Variants in PAX3 observed in about 807,000 individuals in gnomAD.
PAX3 encodes paired box protein Pax-3.
PAX3 carries 14 observed loss-of-function variants against 51.6 expected under a neutral mutation model. The observed-to-expected ratio is 0.27, with a 90% CI of 0.18 to 0.42. The LOEUF is 0.42. PAX3 is among the 10% of genes least tolerant of loss of function. The pLI is 1.00. For missense variants in PAX3, 540 were observed against 642.8 expected, an observed-to-expected ratio of 0.84 and a Z score of 1.73; for synonymous variants, 280 against 253.4, an observed-to-expected ratio of 1.11 and a Z score of -1.00.
At chr2:222,203,827 C>G (rs1477097766) in intron 7 of PAX3, among the ~76,000 whole-genome samples, 1 of 152,156 alleles carries the variant, frequency 6.6e-6, no homozygotes, top group Non-Finnish European at 1.5e-5. Flanking sequence ...AAAAAGAGAT[C>G]CACCTTCTGT....
chr2:222,228,203 A>G (rs1361876577), intron 5 of PAX3, among the ~76,000 whole-genome samples: 2 of 152,204 alleles, frequency 1.3e-5, no homozygotes, highest in African/African-American at 4.8e-5. Flanking sequence ...TTGTTAGGCT[A>G]TAGATCACAG....
intron 4 of PAX3, among the ~76,000 whole-genome samples, chr2:222,270,498 AAG>A (rs1251165736): frequency 6.6e-6 from 1 of 152,190 alleles, no homozygotes; most frequent in Non-Finnish European, 1.5e-5. Context: ...GAAAGAGAAA[AAG>A]AGAGAGGTTT....
chr2:222,268,196 T>C (rs905906573), intron 4 of PAX3, among the ~76,000 whole-genome samples: 1 of 152,218 alleles, frequency 6.6e-6, no homozygotes, highest in African/African-American at 2.4e-5. Flanking sequence ...AGGCTGGTCA[T>C]GTTTTGCAAT....
intron 4 of PAX3, among the ~76,000 whole-genome samples, chr2:222,234,453 A>C (rs1439313020): frequency 6.6e-6 from 1 of 152,236 alleles, no homozygotes; most frequent in East Asian, 1.9e-4. Context: ...AATGCAACTT[A>C]TATACATGTA....
rs750849292 is a variant in PAX3, at chr2:222,220,155, A to G, written c.1158T>C (p.Asn386=). The G allele has an allele frequency of 5.0e-6, 8 of 1,613,690 alleles. No individual in the cohort carries two copies. The highest frequency in any genetic ancestry group is 1.3e-5 in the African/African-American group (1 of 75,032). ...PSNPMNPTIG[N]GLSPQVMGLL... is the part of the protein sequence containing the mutation. ...CGGGACTGACCTGAGGTGAGAGGCC[A>G]TTGCCAATGGTGGGGTTCATGGGGT... The change falls in exon 7 of 9, where the codon AAT becomes AAC. Residue 386 remains asparagine, a synonymous_variant. Coordinates refer to ENST00000392070, the MANE Select transcript of PAX3 (RefSeq NM_181458.4).
chr2:222,277,699 G>T (rs1293874994), intron 4 of PAX3, among the ~76,000 whole-genome samples: 1 of 152,142 alleles, frequency 6.6e-6, no homozygotes, highest in Non-Finnish European at 1.5e-5. Context: ...ACTTTGGGAG[G>T]CTGAGGCAGG....
intron 4 of PAX3, among the ~76,000 whole-genome samples, chr2:222,265,692 G>GGAAGGAAGGAAGGAAGGA (rs1559296349): frequency 1.9e-3 from 51 of 26,986 alleles, no homozygotes; most frequent in African/African-American, 5.0e-3. Context: ...GGAAGGAAGG[G>GGAAGGAAGGAAGGAAGGA]AGAAAGATTG....
At chr2:222,227,200 C>T (rs1459515208) in intron 5 of PAX3, among the ~76,000 whole-genome samples, 1 of 152,144 alleles carries the variant, frequency 6.6e-6, no homozygotes, top group African/African-American at 2.4e-5. Context: ...CCCCTAGTAA[C>T]TTGTTTTTCT....
intron 4 of PAX3, among the ~76,000 whole-genome samples, chr2:222,250,075 A>G (rs1693369629): frequency 6.6e-6 from 1 of 152,120 alleles, no homozygotes; most frequent in Admixed American, 6.6e-5. Flanking sequence ...TCCTACCCTT[A>G]AAGAAATGTC....
intron 4 of PAX3, among the ~76,000 whole-genome samples, chr2:222,243,273 T>C (rs936311840): frequency 6.6e-6 from 1 of 152,218 alleles, no homozygotes; most frequent in African/African-American, 2.4e-5. Context: ...ACAAAGCATT[T>C]ACAAAATTGC....
intron 4 of PAX3, among the ~76,000 whole-genome samples, chr2:222,251,330 C>G (rs1482065079): frequency 1.3e-5 from 2 of 152,140 alleles, no homozygotes; most frequent in Admixed American, 1.3e-4. Context: ...GTTCAATTCC[C>G]ACCTATAAGT....
intron 4 of PAX3, 78 bp downstream of exon 4, chr2:222,294,089 C>T (rs756350571): frequency 2.5e-6 from 4 of 1,602,152 alleles, no homozygotes; most frequent in South Asian, 2.2e-5. Context: ...GCTTGGCTGC[C>T]GTCAGATCAC....
At chr2:222,217,854 G>A (rs569310601) in intron 7 of PAX3, among the ~76,000 whole-genome samples, 1 of 152,290 alleles carries the variant, frequency 6.6e-6, no homozygotes, top group East Asian at 1.9e-4. Flanking sequence ...TGTCATTACA[G>A]AGAAGTGATA....
intron 4 of PAX3, among the ~76,000 whole-genome samples, chr2:222,239,847 G>C (rs2106108483): frequency 6.6e-6 from 1 of 151,470 alleles, no homozygotes; most frequent in African/African-American, 2.4e-5. Context: ...TAGAATTTTT[G>C]GGAAGGATAT....
chr2:222,214,301 A>C (rs1691866080), intron 7 of PAX3: 1 of 152,216 alleles, frequency 6.6e-6, no homozygotes, highest in South Asian at 2.1e-4. Flanking sequence ...TTTGAAATGG[A>C]ACCACGATAG....
intron 4 of PAX3, among the ~76,000 whole-genome samples, chr2:222,258,594 A>T (rs1265021136): frequency 6.6e-6 from 1 of 152,152 alleles, no homozygotes; most frequent in Non-Finnish European, 1.5e-5. Flanking sequence ...TTTTCTGAAG[A>T]TGCCTTGTTC....
chr2:222,246,536 G>T (rs887528664), intron 4 of PAX3, among the ~76,000 whole-genome samples: 4 of 152,114 alleles, frequency 2.6e-5, no homozygotes, highest in African/African-American at 9.7e-5. Flanking sequence ...GAACCAAAAA[G>T]AATTGCTATT....
intron 4 of PAX3, among the ~76,000 whole-genome samples, chr2:222,255,014 C>T (rs763157906): frequency 6.6e-6 from 1 of 152,108 alleles, no homozygotes; most frequent in Non-Finnish European, 1.5e-5. Context: ...AACTCCTGAC[C>T]TCAAGTGATC....
intron 4 of PAX3, among the ~76,000 whole-genome samples, chr2:222,237,497 A>G (rs1449377047): frequency 3.3e-5 from 5 of 152,198 alleles, no homozygotes; most frequent in Admixed American, 3.3e-4. Flanking sequence ...CTACAGAACT[A>G]CTAGAGTTGG....
Sources: allele counts gnomAD v4.1 joint callset (sites outside exome capture counted in the v4.1 genomes callset), GRCh38; gene constraint gnomAD v4.1.1; transcripts MANE v1.5; gene names NCBI Gene and HGNC (gene_info 2026-07-23, HGNC 2026-07-21).